Variants in PEPD observed in about 807,000 individuals in gnomAD.
PEPD encodes peptidase D.
In PEPD, 53 loss-of-function variants were observed where a neutral mutation model predicts 60.7. The ratio of observed to expected loss-of-function variants is 0.87; its 90% confidence interval spans 0.70 to 1.10. The LOEUF (loss-of-function observed/expected upper bound fraction) is 1.10. Among genes scored for constraint, PEPD ranks in the 50% least tolerant of loss-of-function variants. The pLI is 0.00. For missense variants in PEPD, 711 were observed against 711.9 expected (o/e 1.00, Z 0.01); for synonymous variants, 267 against 284.1 (o/e 0.94, Z 0.60).
chr19:33,434,245 C>T (rs1004375596), intron 9 of PEPD, among the ~76,000 whole-genome samples: 1 of 152,160 alleles, frequency 6.6e-6, no homozygotes. Flanking sequence ...TACCCACCCG[C>T]CATACACAGG....
At chr19:33,419,742 T>C (rs1483971041) in intron 9 of PEPD, among the ~76,000 whole-genome samples, 1 of 152,194 alleles carries the variant, frequency 6.6e-6, no homozygotes, top group Non-Finnish European at 1.5e-5. Context: ...AGCCCTGACC[T>C]TGCACCCATG....
rs916581590 is a variant in PEPD, at chr19:33,431,416, T to A, written c.672-17773A>T. Among the ~76,000 whole-genome samples, 3 of 152,192 alleles carry A rather than the reference T, an allele frequency of 2.0e-5. No individual in the cohort carries two copies. The East Asian group carries it at 5.8e-4, about 29-fold the overall frequency. Reference sequence around the variant, plus strand: ...CATCTTCATCATCCCAAAACTCATGTGGGAAATTTCCCCAAGAGGAGACAG... The same window carrying A: ...CATCTTCATCATCCCAAAACTCATGAGGGAAATTTCCCCAAGAGGAGACAG... On this transcript the variant is annotated intron_variant, in intron 9 of 14. Coordinates refer to ENST00000244137, the MANE Select transcript of PEPD (RefSeq NM_000285.4).
In PEPD at chr19:33,411,733, C is replaced by G. The variant is rs200450538; in HGVS notation, c.757G>C (p.Val253Leu). The change falls in exon 11 of 15, where the codon GTG (valine) becomes CTG (leucine). Residue 253 changes from valine to leucine, a missense_variant. Coordinates refer to ENST00000244137, the MANE Select transcript of PEPD (RefSeq NM_000285.4). The part of the protein sequence containing the change: ...CICGSGENSA[V>L]LHYGHAGAPN... ...GCTCCGGCGTGTCCGTAGTGTAGCA[C>G]GGCTGAGTTCTCACCACTGCAAAGA... 6.2e-7 allele frequency: 1 copy of G among 1,607,610 alleles called. No individual in the cohort carries two copies. Among genetic ancestry groups the G allele is most frequent in the East Asian group, 2.2e-5 (1 of 44,850 alleles).
intron 9 of PEPD, among the ~76,000 whole-genome samples, chr19:33,420,529 C>A (rs1319870888): frequency 6.6e-6 from 1 of 152,002 alleles, no homozygotes; most frequent in African/African-American, 2.4e-5. Flanking sequence ...ATGGTAAAAC[C>A]CGTCTCTACT....
At chr19:33,458,595 G>A (rs1340446903) in intron 9 of PEPD, among the ~76,000 whole-genome samples, 1 of 122,054 alleles carries the variant, frequency 8.2e-6, no homozygotes, top group Non-Finnish European at 1.7e-5. Flanking sequence ...TGTGTGTGGT[G>A]AGTATGGTGT....
intron 12 of PEPD, among the ~76,000 whole-genome samples, chr19:33,396,335 G>A (rs536153237): frequency 5.2e-4 from 79 of 152,272 alleles, no homozygotes; most frequent in African/African-American, 1.9e-3. Context: ...CTGACCACGG[G>A]GCCACAGGAG....
chr19:33,430,385 G>A (rs1399394541), intron 9 of PEPD, among the ~76,000 whole-genome samples: 4 of 152,128 alleles, frequency 2.6e-5, no homozygotes, highest in South Asian at 2.1e-4. Flanking sequence ...GAACCACCTG[G>A]CTTCCGGGGG....
intron 9 of PEPD, among the ~76,000 whole-genome samples, chr19:33,439,778 T>C (rs10415771): frequency 0.013 from 1,929 of 152,308 alleles, 48 homozygotes; most frequent in African/African-American, 0.044. Context: ...GTCCTGTGAT[T>C]AAATGAGATC....
chr19:33,464,044 A>G lies in PEPD; in HGVS notation c.567T>C (p.Asp189=). 1 of 1,613,150 alleles carries G rather than the reference A, an allele frequency of 6.2e-7. No individual in the cohort carries two copies. Among genetic ancestry groups the G allele is most frequent in the Non-Finnish European group, 8.5e-7 (1 of 1,179,244 alleles). Residue 189 remains aspartate (D), a synonymous_variant, in exon 8 of 15, where the codon GAT becomes GAC. Transcript: ENST00000244137. Reference sequence around the variant, plus strand: ...TATAGCGCAGAACCTCCAGCTCCATATCCGTCTTAAACACTCGGCTTCAGA... The same window carrying G: ...TATAGCGCAGAACCTCCAGCTCCATGTCCGTCTTAAACACTCGGCTTCAGA... ...EIVECRVFKT[D]MELEVLRYTN... is the part of the protein sequence containing the mutation.
chr19:33,440,398 C>G (rs1454775135), intron 9 of PEPD, among the ~76,000 whole-genome samples: 1 of 152,146 alleles, frequency 6.6e-6, no homozygotes, highest in Non-Finnish European at 1.5e-5. Flanking sequence ...CCCAGGGCTA[C>G]AGGAGCCTCC....
rs113108859 is a variant in PEPD, at chr19:33,435,405, A to G, written c.672-21762T>C. Among the ~76,000 whole-genome samples, 29 of 152,048 alleles carry G rather than the reference A, an allele frequency of 1.9e-4. 4 individuals are homozygous for G. Among genetic ancestry groups the G allele is most frequent in the African/African-American group, 6.3e-4 (26 of 41,488 alleles). On this transcript the variant is annotated intron_variant, in intron 9 of 14. Coordinates refer to ENST00000244137, the MANE Select transcript of PEPD (RefSeq NM_000285.4). ...TGGAGGCCCGGCTGAGGCCCCAGAGAGTGACTCATCAGCTGCCTCCCTGTC... is the reference window on the plus strand; with the variant it reads ...TGGAGGCCCGGCTGAGGCCCCAGAGGGTGACTCATCAGCTGCCTCCCTGTC...
At chr19:33,441,321 T>A (rs1208694080) in intron 9 of PEPD, among the ~76,000 whole-genome samples, 1 of 152,174 alleles carries the variant, frequency 6.6e-6, no homozygotes, top group African/African-American at 2.4e-5. Flanking sequence ...TGCACCTCAT[T>A]ACAACACCAA....
In PEPD at chr19:33,507,432, G is replaced by A. The variant is rs771495706; in HGVS notation, c.329+3596C>T. Among the ~76,000 whole-genome samples the A allele has an allele frequency of 8.8e-4, 134 of 152,304 alleles. 1 individual carries two copies. Among genetic ancestry groups the A allele is most frequent in the Admixed American group, 2.2e-3 (33 of 15,296 alleles). On this transcript the variant is annotated intron_variant, in intron 3 of 14. Transcript: ENST00000244137. ...ACCCTCCCCATCCCAGAACAGGCCT[G>A]GGGTGAGGAGTGGGCCGGCTTCAGG...
At chr19:33,427,995 A>G (rs558854284) in intron 9 of PEPD, among the ~76,000 whole-genome samples, 3 of 152,040 alleles carry the variant, frequency 2.0e-5, no homozygotes, top group Non-Finnish European at 4.4e-5. Context: ...ATCATGGCAA[A>G]GCACTGGCTC....
intron 1 of PEPD, among the ~76,000 whole-genome samples, chr19:33,520,926 C>A (rs1287518004): frequency 6.6e-6 from 1 of 152,220 alleles, no homozygotes; most frequent in Non-Finnish European, 1.5e-5. Flanking sequence ...TCTGAAGCCG[C>A]CACCTGGAAC....
intron 4 of PEPD, among the ~76,000 whole-genome samples, chr19:33,498,305 A>C (rs1484949321): frequency 6.6e-6 from 1 of 152,104 alleles, no homozygotes; most frequent in Non-Finnish European, 1.5e-5. Flanking sequence ...AAGCCTCGAC[A>C]ATCTGCTTTG....
At chr19:33,397,115 C>T (rs1218406361) in intron 12 of PEPD, among the ~76,000 whole-genome samples, 2 of 152,170 alleles carry the variant, frequency 1.3e-5, no homozygotes, top group Non-Finnish European at 2.9e-5. Context: ...CCCTGCCACC[C>T]GCCTGTGGAC....
chr19:33,448,558 T>G (rs1969636398), intron 9 of PEPD, among the ~76,000 whole-genome samples: 1 of 152,204 alleles, frequency 6.6e-6, no homozygotes, highest in Admixed American at 6.5e-5. Flanking sequence ...TCTCCTATTT[T>G]TCTTGAAATA....
chr19:33,419,634 G>A (rs1196046853), intron 9 of PEPD, among the ~76,000 whole-genome samples: 4 of 152,194 alleles, frequency 2.6e-5, no homozygotes, highest in African/African-American at 4.8e-5. Context: ...GAACAGTGCT[G>A]ACCTCGGGGC....
Sources: allele counts gnomAD v4.1 joint callset (sites outside exome capture counted in the v4.1 genomes callset), GRCh38; gene constraint gnomAD v4.1.1; transcripts MANE v1.5; gene names NCBI Gene and HGNC (gene_info 2026-07-23, HGNC 2026-07-21).